The following BEND5 variants were observed in gnomAD, a reference collection of about 807,000 sequenced individuals.
BEND5 encodes BEN domain containing 5.
In BEND5, 22 loss-of-function variants were observed where a neutral mutation model predicts 43.9. That is an observed-to-expected ratio of 0.50 (90% confidence interval 0.36 to 0.72). The LOEUF (loss-of-function observed/expected upper bound fraction) is 0.72, where lower values mean the gene tolerates loss of function less well. Ranked by LOEUF, BEND5 falls within the 30% of genes least tolerant of loss-of-function variation. BEND5 has a pLI of 0.00. For synonymous variants in BEND5, 228 were observed against 225.9 expected, an observed-to-expected ratio of 1.01 and a Z score of -0.08; for missense variants, 428 against 550.6, an observed-to-expected ratio of 0.78 and a Z score of 2.23.
At chr1:48,754,131 G>A (rs1000512862) in intron 3 of BEND5, among the ~76,000 whole-genome samples, 2 of 152,184 alleles carry the variant, frequency 1.3e-5, no homozygotes, top group African/African-American at 4.8e-5. Context: ...GGTACTTACA[G>A]TGTAACAAAC....
chr1:48,756,596 TGGGAAGTA>T (rs955857185), intron 3 of BEND5, among the ~76,000 whole-genome samples: 1 of 152,102 alleles, frequency 6.6e-6, no homozygotes, highest in Non-Finnish European at 1.5e-5. Flanking sequence ...GCCACAGAGT[TGGGAAGTA>T]GGGAAGTTGG....
At chr1:48,770,997 T>C (rs890933164) in intron 1 of BEND5, among the ~76,000 whole-genome samples, 1 of 152,176 alleles carries the variant, frequency 6.6e-6, no homozygotes, top group Non-Finnish European at 1.5e-5. Flanking sequence ...TGGCTCTCTT[T>C]TCTTGGGTAA....
intron 4 of BEND5, among the ~76,000 whole-genome samples, chr1:48,740,166 A>G (rs1649687440): frequency 6.6e-6 from 1 of 152,242 alleles, no homozygotes; most frequent in African/African-American, 2.4e-5. Context: ...ACACAGAAAG[A>G]AATGGGCTTT....
At chr1:48,769,141 G>A (rs1191477962) in intron 1 of BEND5, among the ~76,000 whole-genome samples, 1 of 152,214 alleles carries the variant, frequency 6.6e-6, no homozygotes, top group Non-Finnish European at 1.5e-5. Context: ...CCGCTGGCCA[G>A]TCACAGGGAC....
chr1:48,766,229 A>T (rs1644522199), intron 1 of BEND5, among the ~76,000 whole-genome samples: 1 of 152,264 alleles, frequency 6.6e-6, no homozygotes, highest in South Asian at 2.1e-4. Context: ...TTTTCCAAAA[A>T]AGAAGAAATG....
chr1:48,746,535 T>C (rs1182565167), intron 3 of BEND5, among the ~76,000 whole-genome samples: 2 of 152,222 alleles, frequency 1.3e-5, no homozygotes, highest in Non-Finnish European at 2.9e-5. Context: ...AGAAAAACTA[T>C]TTTCTAAATT....
chr1:48,730,299 T>C lies in BEND5; in HGVS notation c.1109-2256A>G, dbSNP rs565957515. On this transcript the variant is annotated intron_variant, in intron 5 of 5. Transcript: ENST00000371833. ...TGAACCAAATGAGGGAGACAAACTG[T>C]GATGAGAACTGCTTAGAAGTTGAGA... Among the ~76,000 whole-genome samples the C allele has an allele frequency of 1.6e-3, 249 of 152,272 alleles. 3 individuals carry two copies. The highest frequency in any genetic ancestry group is 5.8e-3 in the African/African-American group (241 of 41,534).
At chr1:48,745,641 A>G (rs1331711982) in intron 3 of BEND5, among the ~76,000 whole-genome samples, 2 of 152,126 alleles carry the variant, frequency 1.3e-5, no homozygotes, top group Non-Finnish European at 2.9e-5. Context: ...CCACCTATAC[A>G]AACTCCACCA....
At chr1:48,769,005 G>A (rs1934394) in intron 1 of BEND5, among the ~76,000 whole-genome samples, 1 of 152,030 alleles carries the variant, frequency 6.6e-6, no homozygotes, top group Non-Finnish European at 1.5e-5. Context: ...AAGACATCAG[G>A]AGACACCAAA....
chr1:48,769,997 G>A (rs1396048458), intron 1 of BEND5, among the ~76,000 whole-genome samples: 2 of 152,114 alleles, frequency 1.3e-5, no homozygotes, highest in African/African-American at 4.8e-5. Context: ...ATAGTGCAGG[G>A]TTCCATCCTA....
chr1:48,758,913 CA>C lies in BEND5; in HGVS notation c.731del (p.Leu244ArgfsTer14). 1 of 1,530,322 alleles carries C rather than the reference CA, an allele frequency of 6.5e-7. No individual in the cohort carries two copies. 94.8% of individuals were successfully genotyped at this position (1,530,322 alleles called of 1,614,324 possible). A position where few individuals can be genotyped will look rare whatever the true frequency, so the allele number is the denominator to read the frequency against. On this transcript the variant is annotated frameshift_variant, in exon 3 of 6. Coordinates refer to ENST00000371833, the MANE Select transcript of BEND5 (RefSeq NM_024603.4). LOFTEE classifies it high-confidence loss of function. ...LNRRLQDVLLLRLGSGPAIDL... is the reference protein window; with the variant it reads ...LNRRLQDVLLXRLGSGPAIDL... Reference sequence around the variant, plus strand: ...TGGGGCACTCACCGCTGCCAAGCCGCAGGAGCAGCACGTCCTGGAGCCTCCG... The same window carrying C: ...TGGGGCACTCACCGCTGCCAAGCCGCGGAGCAGCACGTCCTGGAGCCTCCG...
At chr1:48,730,192 C>T (rs988690159) in intron 5 of BEND5, among the ~76,000 whole-genome samples, 1 of 152,162 alleles carries the variant, frequency 6.6e-6, no homozygotes, top group African/African-American at 2.4e-5. Flanking sequence ...TTGTTTCCCC[C>T]CAACAGACTG....
At chr1:48,752,466 A>G (rs1243149592) in intron 3 of BEND5, among the ~76,000 whole-genome samples, 6 of 152,354 alleles carry the variant, frequency 3.9e-5, no homozygotes, top group African/African-American at 1.4e-4. Flanking sequence ...GTTTGAAATC[A>G]AGTCCAGGCA....
intron 3 of BEND5, among the ~76,000 whole-genome samples, chr1:48,754,886 G>A (rs1297490092): frequency 3.3e-5 from 5 of 152,108 alleles, no homozygotes; most frequent in Non-Finnish European, 5.9e-5. Context: ...AGAGAGGCAC[G>A]CAGGACCAGG....
chr1:48,730,551 G>C, intron 5 of BEND5, among the ~76,000 whole-genome samples: 1 of 152,148 alleles, frequency 6.6e-6, no homozygotes, highest in South Asian at 2.1e-4. Flanking sequence ...GGAGCCCCTA[G>C]CATTAGTCAG....
intron 4 of BEND5, among the ~76,000 whole-genome samples, chr1:48,738,824 A>C (rs1235924041): frequency 6.6e-6 from 1 of 152,130 alleles, no homozygotes; most frequent in Non-Finnish European, 1.5e-5. Context: ...TACCTGGTTC[A>C]CGTACAATGA....
intron 4 of BEND5, among the ~76,000 whole-genome samples, chr1:48,741,899 T>C (rs1359555764): frequency 6.6e-6 from 1 of 152,202 alleles, no homozygotes; most frequent in African/African-American, 2.4e-5. Context: ...AAAGATCAAT[T>C]CAATTGAATG....
chr1:48,758,981 C>G lies in BEND5; in HGVS notation c.664G>C (p.Gly222Arg). Residue 222 changes from glycine to arginine, a missense_variant, in exon 3 of 6, where the codon GGG becomes CGG. Coordinates refer to ENST00000371833, the MANE Select transcript of BEND5 (RefSeq NM_024603.4). ...VQQAKKLKEY[G>R]ALVSEMKELR... ...TCCTTCATTTCAGACACAAGTGCCC[C>G]GTACTCCTTGAGCTTCTTGGCCTGT... 1 of 1,613,332 alleles carries G rather than the reference C, an allele frequency of 6.2e-7. No individual in the cohort carries two copies. The highest frequency in any genetic ancestry group is 8.5e-7 in the Non-Finnish European group (1 of 1,179,752).
In BEND5 at chr1:48,727,922, A is replaced by G; in HGVS notation, c.1230T>C (p.Asn410=). 6.2e-7 allele frequency: 1 copy of G among 1,607,944 alleles called. No homozygotes were observed. The highest frequency in any genetic ancestry group is 8.5e-7 in the Non-Finnish European group (1 of 1,175,432). The stretch of plus-strand genomic sequence containing the variant: ...TGTATTTTGCTTCCCTTCGTTCTTC[A>G]TTTTTACAGGATTTATTGATATCCA... The part of the protein sequence containing the change: ...KIMDINKSCK[N]EERREAKYNL... The change falls in exon 6 of 6, where the codon AAT becomes AAC. Residue 410 remains asparagine (N), a synonymous_variant. Coordinates refer to ENST00000371833, the MANE Select transcript of BEND5 (RefSeq NM_024603.4).
Sources: gnomAD v4.1 joint callset for allele counts (sites outside exome capture counted in the v4.1 genomes callset) on GRCh38, gnomAD v4.1.1 for gene constraint, MANE v1.5 for transcripts, NCBI Gene and HGNC (gene_info 2026-07-23, HGNC 2026-07-21) for gene names.